The following ZNF138 variants were observed in gnomAD, a reference collection of about 807,000 sequenced individuals.
ZNF138 encodes the protein zinc finger protein 138.
ZNF138 carries 33 observed loss-of-function variants against 33.0 expected under a neutral mutation model. The observed-to-expected ratio is 1.00, with a 90% confidence interval of 0.76 to 1.34. The LOEUF is 1.34. Among genes scored for constraint, ZNF138 ranks in the 40% most tolerant of loss-of-function variants. The probability of loss-of-function intolerance (pLI) is 0.00; values close to 1 mark genes in which losing one functional copy is unlikely to be tolerated. For synonymous variants in ZNF138, 139 were observed against 120.4 expected (o/e 1.15, Z -1.01); for missense variants, 360 against 370.8 (o/e 0.97, Z 0.24).
chr7:64,854,861 G>A, the ZNF138 span, among the ~76,000 whole-genome samples: 8 of 152,112 alleles, frequency 5.3e-5, no homozygotes, highest in Non-Finnish European at 1.5e-5. Context: ...ATTTTCATGG[G>A]TAGGAAAATG....
At chr7:64,797,296 A>G (rs768254546) in intron 1 of ZNF138, among the ~76,000 whole-genome samples, 2 of 152,220 alleles carry the variant, frequency 1.3e-5, no homozygotes, top group Admixed American at 6.5e-5. Context: ...TTTAATGGAT[A>G]TAATAAAATA....
At chr7:64,803,649 C>T (rs898527437) in intron 1 of ZNF138, among the ~76,000 whole-genome samples, 14 of 152,042 alleles carry the variant, frequency 9.2e-5, no homozygotes, top group African/African-American at 3.4e-4. Context: ...TATAACACCA[C>T]AATATTTGCT....
intron 3 of ZNF138, among the ~76,000 whole-genome samples, chr7:64,818,071 C>T: frequency 2.1e-5 from 1 of 46,614 alleles, no homozygotes; most frequent in East Asian, 6.4e-4. Context: ...TGGCTTACTG[C>T]AACCTCTGTC....
chr7:64,815,037 T>A lies in ZNF138; in HGVS notation c.123T>A (p.Val41=), dbSNP rs758920370. The A allele has an allele frequency of 6.2e-7, 1 of 1,605,588 alleles. No homozygotes were observed. The highest frequency in any genetic ancestry group is 8.5e-7 in the Non-Finnish European group (1 of 1,176,740). The part of the protein sequence containing the change: ...HVMLENYRNL[V]FLDLITCLEQ... ...TGTTAGAGAACTACAGAAACCTGGT[T>A]TTCTTGGGTGAGAATAACTTCAGTA... The change falls in exon 2 of 4, where the codon GTT becomes GTA. Residue 41 remains valine, a synonymous_variant. Coordinates refer to ENST00000307355, the MANE Select transcript of ZNF138 (RefSeq NM_001271639.2).
chr7:64,837,842 G>A (rs1031692541), downstream of ZNF138, among the ~76,000 whole-genome samples: 18 of 152,204 alleles, frequency 1.2e-4, no homozygotes, highest in Admixed American at 2.0e-4. Flanking sequence ...AACCTAACCT[G>A]AGAAAGTGTT....
At chr7:64,855,420 CTTCT>C in the ZNF138 span, among the ~76,000 whole-genome samples, 1 of 151,008 alleles carries the variant, frequency 6.6e-6, no homozygotes, top group African/African-American at 2.5e-5. Flanking sequence ...GAGATAAAGT[CTTCT>C]TAGTTAAGAA....
intron 3 of ZNF138, chr7:64,831,139 G>C: frequency 1.3e-6 from 2 of 1,538,280 alleles, no homozygotes; most frequent in Non-Finnish European, 1.8e-6. Flanking sequence ...TTTACTTCTA[G>C]AGGCACTATG....
Position 64,832,818 on chromosome 7 carries a change from A to G in ZNF138, c.*616A>G, listed in dbSNP as rs1261002054. ...CCTTACTAAACACAAGAAGATTCAT[A>G]CTAGAGAGAAACCCTACAAATGTGA... On this transcript the variant is annotated 3_prime_UTR_variant, in exon 4 of 4. Transcript: ENST00000307355. 4 of 449,300 alleles carry G rather than the reference A, an allele frequency of 8.9e-6. No individual in the cohort carries two copies. The highest frequency in any genetic ancestry group is 1.3e-5 in the Non-Finnish European group (3 of 223,428). The allele number at this position is 449,300 out of a possible 1,614,324, so 27.8% of individuals were successfully genotyped here. A position where few individuals can be genotyped will look rare whatever the true frequency, so the allele number is the denominator to read the frequency against.
chr7:64,808,388 T>G (rs1193969199), intron 1 of ZNF138, among the ~76,000 whole-genome samples: 2 of 152,162 alleles, frequency 1.3e-5, no homozygotes, highest in African/African-American at 2.4e-5. Flanking sequence ...GCAGTCATGA[T>G]CCCTACCATC....
intron 3 of ZNF138, among the ~76,000 whole-genome samples, chr7:64,821,033 TTG>T (rs1489134531): frequency 2.1e-4 from 1 of 4,652 alleles, no homozygotes; most frequent in African/African-American, 2.6e-4. Context: ...TGTGAGGTGA[TTG>T]TTTTTTTTTG....
chr7:64,827,922 G>A lies in ZNF138; in HGVS notation c.209-3529G>A, dbSNP rs189341969. Among the ~76,000 whole-genome samples the A allele has an allele frequency of 1.5e-3, 225 of 152,144 alleles. 1 individual carries two copies. Among genetic ancestry groups the A allele is most frequent in the African/African-American group, 5.1e-3 (211 of 41,538 alleles). ...ATTTATCTCTGTACAATTTAAGACA[G>A]TGTGGAGCAAAGTCAAATATGAACC... On this transcript the variant is annotated intron_variant, in intron 3 of 3. Coordinates refer to ENST00000307355, the MANE Select transcript of ZNF138 (RefSeq NM_001271639.2).
downstream of ZNF138, among the ~76,000 whole-genome samples, chr7:64,833,967 C>T (rs144842263): frequency 2.0e-4 from 30 of 152,292 alleles, no homozygotes; most frequent in African/African-American, 6.7e-4. Context: ...TTGAAATGAT[C>T]CATACACCTC....
the ZNF138 span, chr7:64,853,052 G>A: frequency 3.4e-6 from 5 of 1,468,270 alleles, no homozygotes; most frequent in African/African-American, 4.2e-5. Flanking sequence ...ATTGGCACAT[G>A]CTATCCTGCC....
At chr7:64,851,440 G>A in the ZNF138 span, among the ~76,000 whole-genome samples, 25 of 152,246 alleles carry the variant, frequency 1.6e-4, no homozygotes, top group South Asian at 4.6e-3. Flanking sequence ...AAAAATGTAC[G>A]AGCGCAAAGG....
intron 1 of ZNF138, among the ~76,000 whole-genome samples, chr7:64,813,124 T>G (rs1426008025): frequency 1.3e-5 from 2 of 151,826 alleles, no homozygotes; most frequent in Non-Finnish European, 2.9e-5. Flanking sequence ...ATTTATAACC[T>G]GCAACATTAA....
chr7:64,827,399 C>T (rs1789725786), intron 3 of ZNF138, among the ~76,000 whole-genome samples: 1 of 152,052 alleles, frequency 6.6e-6, no homozygotes, highest in Admixed American at 6.6e-5. Flanking sequence ...CACCCGCCAC[C>T]ACGCCTGGCT....
chr7:64,857,720 A>G, the ZNF138 span, among the ~76,000 whole-genome samples: 1 of 152,174 alleles, frequency 6.6e-6, no homozygotes, highest in Admixed American at 6.5e-5. Context: ...GAAGAATTAA[A>G]AAAAAACAGT....
rs1179483133 is a variant in ZNF138 at position 64,831,844 on chromosome 7, GA to G, written c.607del (p.Thr203ProfsTer41). ...AATTTCTACAAATGTGAAGAGTGTG[GA>G]AAAACCTTTAACTGGTCCACAAACC... The part of the protein sequence containing the change: ...RENFYKCEEC[G>X]KTFNWSTNLS... On this transcript the variant is annotated frameshift_variant, in exon 4 of 4. Coordinates refer to ENST00000307355, the MANE Select transcript of ZNF138 (RefSeq NM_001271639.2). LOFTEE classifies it high-confidence loss of function. The G allele has an allele frequency of 1.2e-6, 2 of 1,613,682 alleles. No homozygotes were observed. Among genetic ancestry groups the G allele is most frequent in the Non-Finnish European group, 1.7e-6 (2 of 1,179,920 alleles).
At chr7:64,806,785 T>C (rs1228834957) in intron 1 of ZNF138, among the ~76,000 whole-genome samples, 1 of 152,226 alleles carries the variant, frequency 6.6e-6, no homozygotes, top group Non-Finnish European at 1.5e-5. Flanking sequence ...AGCTTAACAA[T>C]GTATATCCAA....
Sources: allele counts gnomAD v4.1 joint callset (sites outside exome capture counted in the v4.1 genomes callset), GRCh38; gene constraint gnomAD v4.1.1; transcripts MANE v1.5; gene names NCBI Gene and HGNC (gene_info 2026-07-23, HGNC 2026-07-21).